SH3YL1: variants seen among roughly 807,000 people sequenced by gnomAD.
The protein encoded by SH3YL1 is SH3 and SYLF domain containing 1.
In SH3YL1, 41 loss-of-function variants were observed where a neutral mutation model predicts 45.8. The observed-to-expected ratio is 0.89, with a 90% CI of 0.70 to 1.16. SH3YL1 has a LOEUF of 1.16. Among genes scored for constraint, SH3YL1 ranks in the 50% most tolerant of loss-of-function variants. The probability of loss-of-function intolerance (pLI) is 0.00; values close to 1 mark genes in which losing one functional copy is unlikely to be tolerated. For missense variants in SH3YL1, 389 were observed against 409.6 expected, an observed-to-expected ratio of 0.95 and a Z score of 0.43; for synonymous variants, 152 against 151.4, an observed-to-expected ratio of 1.00 and a Z score of -0.03.
At position 262,692 on chromosome 2, in the gene SH3YL1, T is replaced by C. The variant is rs530270822; in HGVS notation, c.1+1292A>G. 2.6e-5 allele frequency: 34 copies of C among 1,301,774 alleles called. No homozygotes were observed. The Admixed American group carries it at 4.2e-4, about 16-fold the overall frequency. The allele number at this position is 1,301,774 out of a possible 1,614,324, so 80.6% of individuals were successfully genotyped here. A position where few individuals can be genotyped will look rare whatever the true frequency, so the allele number is the denominator to read the frequency against. On this transcript the variant is annotated intron_variant, in intron 1 of 9. Coordinates refer to ENST00000356150, the MANE Select transcript of SH3YL1 (RefSeq NM_015677.4). ...CTCTCAGCAGAGTCAGGGTAGCAGT[T>C]ATTTCCCTTTGACTGCCTCAACTTC...
At position 218,734 on chromosome 2, in the gene SH3YL1, A is replaced by G; in HGVS notation, c.*77T>C. ...AGAAGTTTTTTAAAATTTATATTAA[A>G]CATTGCTTAACTAGTAAATCCTGTC... On this transcript the variant is annotated 3_prime_UTR_variant, in exon 10 of 10. Transcript: ENST00000356150. The G allele has an allele frequency of 8.2e-7, 1 of 1,217,076 alleles. No homozygotes were observed. Among genetic ancestry groups the G allele is most frequent in the Non-Finnish European group, 1.1e-6 (1 of 889,106 alleles). 75.4% of individuals were successfully genotyped at this position (1,217,076 alleles called of 1,614,324 possible). A position where few individuals can be genotyped will look rare whatever the true frequency, so the allele number is the denominator to read the frequency against.
rs988636007 is a variant in SH3YL1 at position 250,594 on chromosome 2, G to A, written c.113-750C>T. ...ATAACACCTCATTCAAACTAACGAGGGAAGCCTAACATATAACTTTAAGGT... is the reference window on the plus strand; with the variant it reads ...ATAACACCTCATTCAAACTAACGAGAGAAGCCTAACATATAACTTTAAGGT... On this transcript the variant is annotated intron_variant, in intron 2 of 9. Transcript: ENST00000356150. Among the ~76,000 whole-genome samples, 22 of 152,124 alleles carry A rather than the reference G, an allele frequency of 1.4e-4. 1 individual carries two copies. Among genetic ancestry groups the A allele is most frequent in the South Asian group, 1.0e-3 (5 of 4,808 alleles).
intron 9 of SH3YL1, among the ~76,000 whole-genome samples, chr2:219,377 C>A (rs992696237): frequency 6.6e-6 from 1 of 152,062 alleles, no homozygotes; most frequent in Non-Finnish European, 1.5e-5. Flanking sequence ...TCTCTGGGGG[C>A]TGATTAGGTC....
intron 4 of SH3YL1, chr2:240,209 T>G (rs1668481843): frequency 1.3e-5 from 2 of 152,374 alleles, no homozygotes; most frequent in African/African-American, 4.8e-5. Flanking sequence ...CCAGTTCACC[T>G]GTGGGGCAAA....
rs147979202 is a variant in SH3YL1, at chr2:218,642, TGTCA to T, written c.*165_*168del. 240 of 583,602 alleles carry T rather than the reference TGTCA, an allele frequency of 4.1e-4. No homozygotes were observed. The highest frequency in any genetic ancestry group is 4.0e-3 in the African/African-American group (214 of 53,726). 36.2% of individuals were successfully genotyped at this position (583,602 alleles called of 1,614,324 possible). ...AGTTAGTACAAAGTATTTAAAGATA[TGTCA>T]GTCAGCTCTTTTTATATAGAAAAAC... On this transcript the variant is annotated 3_prime_UTR_variant, in exon 10 of 10. Coordinates refer to ENST00000356150, the MANE Select transcript of SH3YL1 (RefSeq NM_015677.4).
intron 8 of SH3YL1, 78 bp from the exon 9 acceptor site, chr2:224,998 C>T: frequency 1.9e-6 from 2 of 1,053,290 alleles, no homozygotes; most frequent in Non-Finnish European, 2.9e-6. Context: ...TTGCCAGATC[C>T]TGCCCTTGCT....
chr2:254,574 G>A (rs369732945), intron 1 of SH3YL1, among the ~76,000 whole-genome samples: 2 of 152,176 alleles, frequency 1.3e-5, no homozygotes, highest in East Asian at 1.9e-4. Context: ...GATGAAGTAC[G>A]CTAATGGAAG....
At chr2:236,304 A>G (rs2103031727) in intron 4 of SH3YL1, among the ~76,000 whole-genome samples, 1 of 152,198 alleles carries the variant, frequency 6.6e-6, no homozygotes, top group South Asian at 2.1e-4. Flanking sequence ...ACCAATGTCC[A>G]TCCCAGCTCC....
At chr2:220,638 C>T (rs914109789) in intron 9 of SH3YL1, among the ~76,000 whole-genome samples, 9 of 152,320 alleles carry the variant, frequency 5.9e-5, no homozygotes, top group East Asian at 1.9e-4. Flanking sequence ...GGTGGGGTAC[C>T]GGGCAGGCGC....
rs35468551 is a variant in SH3YL1 at position 242,732 on chromosome 2, T to TAACAAC, written c.291+4800_291+4805dup. ...ATTATTAGCATGGATAAAACAACAA[T>TAACAAC]AACAACAACAACAACAACATCCAAT... is the stretch of plus-strand genomic sequence containing the variant. On this transcript the variant is annotated intron_variant, in intron 4 of 9. Transcript: ENST00000356150. The TAACAAC allele has an allele frequency of 1.9e-3, 2,728 of 1,403,532 alleles. 10 individuals are homozygous for TAACAAC. Among genetic ancestry groups the TAACAAC allele is most frequent in the Middle Eastern group, 3.3e-3 (18 of 5,424 alleles). The allele number at this position is 1,403,532 out of a possible 1,614,324, so 86.9% of individuals were successfully genotyped here. A position where few individuals can be genotyped will look rare whatever the true frequency, so the allele number is the denominator to read the frequency against.
intron 9 of SH3YL1, chr2:222,281 G>A (rs969181798): frequency 6.6e-6 from 1 of 152,196 alleles, no homozygotes; most frequent in Non-Finnish European, 1.5e-5. Flanking sequence ...TGAGGCCCAT[G>A]ATTAGAAAGG....
intron 1 of SH3YL1, chr2:262,457 C>A: frequency 1.9e-6 from 1 of 534,932 alleles, no homozygotes; most frequent in Non-Finnish European, 2.9e-6. Flanking sequence ...TATTCCTGCC[C>A]TTCCTCTTCT....
At chr2:224,454 T>C (rs1039068300) in intron 9 of SH3YL1, among the ~76,000 whole-genome samples, 2 of 152,230 alleles carry the variant, frequency 1.3e-5, no homozygotes, top group Admixed American at 6.5e-5. Flanking sequence ...TTATCTCCAT[T>C]GTAAATTCAA....
Position 233,226 on chromosome 2 carries a change from G to C in SH3YL1, c.408C>G (p.Asn136Lys). 6.4e-7 allele frequency: 1 copy of C among 1,567,620 alleles called. No individual in the cohort carries two copies. The highest frequency in any genetic ancestry group is 8.6e-7 in the Non-Finnish European group (1 of 1,156,694). The change falls in exon 6 of 10, where the codon AAC becomes AAG. Residue 136 changes from asparagine to lysine, a missense_variant. Physicochemically the swap from Asn to Lys is moderately conservative, Grantham distance 94. Transcript: ENST00000356150. ...LTVAVGPLGR[N>K]LEGNVALRSS... ...TTCTCAGGGCCACGTTTCCTTCCAA[G>C]TTCCTGCAAAGCACAAGATTTTGCA... is the stretch of plus-strand genomic sequence containing the variant.
chr2:238,837 C>T (rs1668418349), intron 4 of SH3YL1, among the ~76,000 whole-genome samples: 1 of 152,202 alleles, frequency 6.6e-6, no homozygotes, highest in Non-Finnish European at 1.5e-5. Flanking sequence ...CCCCCTCCCC[C>T]AAATTAATCC....
chr2:263,891 G>T (rs1558258489), intron 1 of SH3YL1, 93 bp downstream of exon 1: 1 of 1,066,398 alleles, frequency 9.4e-7, no homozygotes, highest in Non-Finnish European at 1.4e-6. Flanking sequence ...AACCCCAGAG[G>T]CATCGCCGGT....
Position 229,989 on chromosome 2 carries a change from A to T in SH3YL1, c.758T>A (p.Val253Asp). The T allele has an allele frequency of 2.2e-5, 36 of 1,613,182 alleles. No homozygotes were observed. Among genetic ancestry groups the T allele is most frequent in the Non-Finnish European group, 3.1e-5 (36 of 1,179,300 alleles). ...LSRPQQSSAP[V>D]QLNSGSQSNR... Reference sequence around the variant, plus strand: ...ACTTTGAGAGCCAGAGTTCAGCTGGACTGGTGCAGATGACTGCTGTGGTCT... The same window carrying T: ...ACTTTGAGAGCCAGAGTTCAGCTGGTCTGGTGCAGATGACTGCTGTGGTCT... The change falls in exon 8 of 10, where the codon GTC becomes GAC. Residue 253 changes from valine (V) to aspartate (D), a missense_variant. By Grantham distance (152) the Val-to-Asp change is radical. Coordinates refer to ENST00000356150, the MANE Select transcript of SH3YL1 (RefSeq NM_015677.4).
At chr2:242,849 C>T (rs752576543) in intron 4 of SH3YL1, 1 of 1,511,830 alleles carries the variant, frequency 6.6e-7, no homozygotes, top group African/African-American at 1.4e-5. Context: ...CAGATGGCAA[C>T]CTAAGAAAGC....
At chr2:231,617 T>A (rs1668048788) in intron 6 of SH3YL1, among the ~76,000 whole-genome samples, 1 of 152,220 alleles carries the variant, frequency 6.6e-6, no homozygotes, top group African/African-American at 2.4e-5. Flanking sequence ...CTTAAAATAT[T>A]TATTTTTATC....
Sources: allele counts gnomAD v4.1 joint callset (sites outside exome capture counted in the v4.1 genomes callset), GRCh38; gene constraint gnomAD v4.1.1; transcripts MANE v1.5; gene names NCBI Gene and HGNC (gene_info 2026-07-23, HGNC 2026-07-21).